The following FANCG variants were observed in gnomAD, a reference collection of about 807,000 sequenced individuals.
FANCG encodes the protein Fanconi anemia group G protein.
In FANCG, 67 loss-of-function variants were observed where a neutral mutation model predicts 73.3. That is an observed-to-expected ratio of 0.91 (90% confidence interval 0.75 to 1.12). The LOEUF is 1.12. Ranked by LOEUF, FANCG falls within the 50% of genes most tolerant of loss-of-function variation. The pLI is 0.00. For synonymous variants in FANCG, 297 were observed against 311.6 expected, an observed-to-expected ratio of 0.95 and a Z score of 0.49; for missense variants, 643 against 735.6, an observed-to-expected ratio of 0.87 and a Z score of 1.46.
chr9:35,078,111 C>A lies in FANCG; in HGVS notation c.510+30G>T, dbSNP rs538939739. The A allele has an allele frequency of 8.2e-6, 13 of 1,593,862 alleles. No homozygotes were observed. In the East Asian group the frequency reaches 2.5e-4, roughly 30 times the overall value. Reference sequence around the variant, plus strand: ...AAAGGAGGAGGAAGGAAGGAGGAGACCCTCAGCTTCAGGTCACTTTCCCTA... The same window carrying A: ...AAAGGAGGAGGAAGGAAGGAGGAGAACCTCAGCTTCAGGTCACTTTCCCTA... On this transcript the variant is annotated intron_variant, in intron 4 of 13. Coordinates refer to ENST00000378643, the MANE Select transcript of FANCG (RefSeq NM_004629.2).
chr9:35,075,578 T>G lies in FANCG; in HGVS notation c.1320A>C (p.Lys440Asn), dbSNP rs769293655. The G allele has an allele frequency of 6.2e-7, 1 of 1,614,122 alleles. No homozygotes were observed. Among genetic ancestry groups the G allele is most frequent in the Non-Finnish European group, 8.5e-7 (1 of 1,180,002 alleles). ...GGCAGTATGGCAGTTCCTTGGTTCCTTTTCTGGCATCTTCCCACAGCCGGG... is the reference window on the plus strand; with the variant it reads ...GGCAGTATGGCAGTTCCTTGGTTCCGTTTCTGGCATCTTCCCACAGCCGGG... ...KMSRLWEDAR[K>N]GTKELPYCPL... The change falls in exon 10 of 14, where the codon AAA becomes AAC. Residue 440 changes from lysine to asparagine, a missense_variant. Coordinates refer to ENST00000378643, the MANE Select transcript of FANCG (RefSeq NM_004629.2).
intron 8 of FANCG, 103 bp downstream of exon 8, chr9:35,076,328 CT>C (rs1222020431): frequency 7.2e-7 from 1 of 1,391,986 alleles, no homozygotes; most frequent in Non-Finnish European, 1.0e-6. Context: ...TGTCCTGCCA[CT>C]GCCTCATTCA....
At chr9:35,076,391 G>C in intron 8 of FANCG, 41 bp downstream of exon 8, 9 of 1,611,568 alleles carry the variant, frequency 5.6e-6, no homozygotes, top group Non-Finnish European at 7.6e-6. Context: ...GGAGGCATCA[G>C]AAGTGGGAAG....
Position 35,076,214 on chromosome 9 carries a change from G to A in FANCG, c.1077-186C>T, listed in dbSNP as rs919379260. ...CTACCCCAGTTACAGAATGGACTGG[G>A]GAAGAGACTTCAGAGTGTCAAAGAT... On this transcript the variant is annotated intron_variant, in intron 8 of 13. Transcript: ENST00000378643. 18 of 796,144 alleles carry A rather than the reference G, an allele frequency of 2.3e-5. No individual in the cohort carries two copies. The African/African-American group carries it at 2.9e-4, about 13-fold the overall frequency. The allele number at this position is 796,144 out of a possible 1,614,324, so 49.3% of individuals were successfully genotyped here.
chr9:35,075,551 T>A lies in FANCG; in HGVS notation c.1347A>T (p.Pro449=). 1 of 1,613,808 alleles carries A rather than the reference T, an allele frequency of 6.2e-7. No individual in the cohort carries two copies. The highest frequency in any genetic ancestry group is 1.1e-5 in the South Asian group (1 of 91,052). The change falls in exon 10 of 14, where the codon CCA becomes CCT. Residue 449 remains proline (P), a synonymous_variant. Transcript: ENST00000378643. ...RKGTKELPYC[P]LWVSATHLLQ... Reference sequence around the variant, plus strand: ...GCAGGTGGGTGGCAGAGACCCAGAGTGGGCAGTATGGCAGTTCCTTGGTTC... The same window carrying A: ...GCAGGTGGGTGGCAGAGACCCAGAGAGGGCAGTATGGCAGTTCCTTGGTTC...
Position 35,077,310 on chromosome 9 carries a change from G to A in FANCG, c.600C>T (p.Ala200=). 3 of 1,614,138 alleles carry A rather than the reference G, an allele frequency of 1.9e-6. No homozygotes were observed. The highest frequency in any genetic ancestry group is 2.2e-5 in the South Asian group (2 of 91,082). Residue 200 remains alanine (A), a synonymous_variant, in exon 5 of 14, where the codon GCC becomes GCT. Coordinates refer to ENST00000378643, the MANE Select transcript of FANCG (RefSeq NM_004629.2). ...ELDAPLTLQD[A]QGLKDVLLTA... ...TCAGGAGGACATCCTTCAATCCCTG[G>A]GCATCCTGCAGGGTCAATGGAGCAT...
chr9:35,079,488 G>A lies in FANCG; in HGVS notation c.37C>T (p.Leu13=). Residue 13 remains leucine, a synonymous_variant, in exon 1 of 14, where the codon CTG becomes TTG. Coordinates refer to ENST00000378643, the MANE Select transcript of FANCG (RefSeq NM_004629.2). The stretch of plus-strand genomic sequence containing the variant: ...TCATTCTTTTCCCTCCACAGGTCCA[G>A]GCAGCTGGAGCCCACAGAGGTGGTC... The part of the protein sequence containing the change: ...RQTTSVGSSC[L]DLWREKNDRL... The A allele has an allele frequency of 1.2e-6, 2 of 1,614,156 alleles. No individual in the cohort carries two copies. The highest frequency in any genetic ancestry group is 2.2e-5 in the South Asian group (2 of 91,082).
rs1270561172 is a variant in FANCG, at chr9:35,078,253, G to A, written c.398C>T (p.Pro133Leu). ...DSVLRASCLL[P>L]ELLSALHRLV... ...GCGGTGCAGGGCAGACAGCAGCTCC[G>A]GCAGAAGGCAGGAAGCACGAAGGAC... The change falls in exon 4 of 14, where the codon CCG becomes CTG. Residue 133 changes from proline to leucine, a missense_variant. Transcript: ENST00000378643. The A allele has an allele frequency of 3.7e-5, 60 of 1,614,048 alleles. No individual in the cohort carries two copies. Among genetic ancestry groups the A allele is most frequent in the Admixed American group, 6.7e-5 (4 of 60,000 alleles).
In FANCG at chr9:35,077,334, A is replaced by T; in HGVS notation, c.576T>A (p.Asp192Glu). Residue 192 changes from aspartate to glutamate, a missense_variant, in exon 5 of 14, where the codon GAT becomes GAA. By Grantham distance (45) the Asp-to-Glu change is conservative. Transcript: ENST00000378643. The stretch of plus-strand genomic sequence containing the variant: ...GGGCATCCTGCAGGGTCAATGGAGC[A>T]TCTAATTCCTCAGCTGGGGGACTCC... ...KTWSPPAEEL[D>E]APLTLQDAQG... 6.2e-7 allele frequency: 1 copy of T among 1,614,184 alleles called. No individual in the cohort carries two copies. The highest frequency in any genetic ancestry group is 1.7e-5 in the Admixed American group (1 of 60,020).
intron 12 of FANCG, 27 bp from the exon 13 acceptor site, chr9:35,074,521 T>G: frequency 6.2e-7 from 1 of 1,613,470 alleles, no homozygotes; most frequent in Non-Finnish European, 8.5e-7. Flanking sequence ...GAGTACAGAG[T>G]CTTAGAACTT....
Position 35,074,145 on chromosome 9 carries a change from T to G in FANCG, c.1832A>C (p.Glu611Ala). ...RPSDRDAFLEEFRTSLPKSCD... is the reference protein window; with the variant it reads ...RPSDRDAFLEAFRTSLPKSCD... Reference sequence around the variant, plus strand: ...AGACTTTGGCAGAGATGTCCGAAATTCTTCAAGGAAGGCGTCACGATCAGA... The same window carrying G: ...AGACTTTGGCAGAGATGTCCGAAATGCTTCAAGGAAGGCGTCACGATCAGA... The change falls in exon 14 of 14, where the codon GAA (glutamate) becomes GCA (alanine). Residue 611 changes from glutamate to alanine, a missense_variant. Glu to Ala is a moderately radical substitution (Grantham distance 107, BLOSUM62 -1). Coordinates refer to ENST00000378643, the MANE Select transcript of FANCG (RefSeq NM_004629.2). The G allele has an allele frequency of 6.2e-7, 1 of 1,614,158 alleles. No homozygotes were observed. The highest frequency in any genetic ancestry group is 8.5e-7 in the Non-Finnish European group (1 of 1,180,034).
chr9:35,074,804 G>C lies in FANCG; in HGVS notation c.1636+123C>G, dbSNP rs959817874. ...CTGGATATATCCCTAGGTATATATA[G>C]CACAACCCCAATCACCCCTCCTGTC... On this transcript the variant is annotated intron_variant, in intron 12 of 13. Coordinates refer to ENST00000378643, the MANE Select transcript of FANCG (RefSeq NM_004629.2). The C allele has an allele frequency of 1.0e-5, 13 of 1,266,888 alleles. No homozygotes were observed. In the African/African-American group the frequency reaches 1.7e-4, roughly 17 times the overall value. The allele number at this position is 1,266,888 out of a possible 1,614,324, so 78.5% of individuals were successfully genotyped here.
intron 13 of FANCG, 66 bp downstream of exon 13, chr9:35,074,305 A>T: frequency 6.2e-7 from 1 of 1,613,760 alleles, no homozygotes; most frequent in Admixed American, 1.7e-5. Context: ...CACCACCCAC[A>T]ATAGGTCCAA....
Position 35,074,055 on chromosome 9 carries a change from C to A in FANCG, c.*53G>T. ...TGATGGTGAAGCAGAAAGCCCTCCC[C>A]ACAGAGAGACAGCCCACTGGGGACC... On this transcript the variant is annotated 3_prime_UTR_variant, in exon 14 of 14. Transcript: ENST00000378643. 2 of 1,315,618 alleles carry A rather than the reference C, an allele frequency of 1.5e-6. No homozygotes were observed. Among genetic ancestry groups the A allele is most frequent in the Non-Finnish European group, 2.2e-6 (2 of 907,824 alleles). The allele number at this position is 1,315,618 out of a possible 1,614,324, so 81.5% of individuals were successfully genotyped here.
At position 35,076,427 on chromosome 9, in the gene FANCG, C is replaced by T. The variant is rs1196126736; in HGVS notation, c.1076+5G>A. 6.2e-7 allele frequency: 1 copy of T among 1,613,764 alleles called. No homozygotes were observed. The highest frequency in any genetic ancestry group is 1.3e-5 in the African/African-American group (1 of 74,996). ...AGAAGCTCAGGTGAGCAAGGGGAACCTCACCTCCCCGTCTGTAGGCACCTG... is the reference window on the plus strand; with the variant it reads ...AGAAGCTCAGGTGAGCAAGGGGAACTTCACCTCCCCGTCTGTAGGCACCTG... On this transcript the variant is annotated splice_donor_5th_base_variant and intron_variant, in intron 8 of 13. Transcript: ENST00000378643.
In FANCG at chr9:35,076,424, A is replaced by G; in HGVS notation, c.1076+8T>C. ...AAGAGAAGCTCAGGTGAGCAAGGGG[A>G]ACCTCACCTCCCCGTCTGTAGGCAC... On this transcript the variant is annotated splice_region_variant and intron_variant, in intron 8 of 13. Transcript: ENST00000378643. The G allele has an allele frequency of 6.2e-7, 1 of 1,613,658 alleles. No individual in the cohort carries two copies. Among genetic ancestry groups the G allele is most frequent in the Non-Finnish European group, 8.5e-7 (1 of 1,179,988 alleles).
At position 35,078,196 on chromosome 9, in the gene FANCG, C is replaced by T; in HGVS notation, c.455G>A (p.Ser152Asn). 2 of 1,614,206 alleles carry T rather than the reference C, an allele frequency of 1.2e-6. No individual in the cohort carries two copies. The highest frequency in any genetic ancestry group is 8.5e-7 in the Non-Finnish European group (1 of 1,180,046). The change falls in exon 4 of 14, where the codon AGT becomes AAT. Residue 152 changes from serine to asparagine, a missense_variant. Physicochemically the swap from Ser to Asn is conservative, Grantham distance 46 (BLOSUM62 1). Transcript: ENST00000378643. The stretch of plus-strand genomic sequence containing the variant: ...GGCCAGGTCCCCAAGACGGTCAGCA[C>T]TCAACCAGAGGGCAGCCTGCAGGCC... ...LVGLQAALWL[S>N]ADRLGDLALL...
At position 35,074,978 on chromosome 9, in the gene FANCG, G is replaced by C; in HGVS notation, c.1585C>G (p.Gln529Glu). ...AAGTCCTGTAAGGCTTTGGTATCCT[G>C]GCCGCTGGCTACCCATTCCAGTCCA... ...SRGLEWVASG[Q>E]DTKALQDFLL... The change falls in exon 12 of 14, where the codon CAG becomes GAG. Residue 529 changes from glutamine (Q) to glutamate (E), a missense_variant. Coordinates refer to ENST00000378643, the MANE Select transcript of FANCG (RefSeq NM_004629.2). 6.2e-7 allele frequency: 1 copy of C among 1,614,166 alleles called. No homozygotes were observed. Among genetic ancestry groups the C allele is most frequent in the Non-Finnish European group, 8.5e-7 (1 of 1,180,040 alleles).
At chr9:35,074,665 C>A in intron 12 of FANCG, 171 bp from the exon 13 acceptor site, 1 of 962,266 alleles carries the variant, frequency 1.0e-6, no homozygotes. Context: ...CATCATCTGC[C>A]CCCTACTCCT....
Sources: gnomAD v4.1 joint callset for allele counts on GRCh38, gnomAD v4.1.1 for gene constraint, MANE v1.5 for transcripts, NCBI Gene and HGNC (gene_info 2026-07-23, HGNC 2026-07-21) for gene names.